CYP4F12: variants seen among roughly 807,000 people sequenced by gnomAD.
CYP4F12 encodes the protein cytochrome P450 family 4 subfamily F member 12, also known as cytochrome P450 4F12.
CYP4F12 carries 60 observed loss-of-function variants against 56.5 expected under a neutral mutation model. The ratio of observed to expected loss-of-function variants is 1.06; its 90% CI spans 0.86 to 1.32. The LOEUF is 1.32. Among genes scored for constraint, CYP4F12 ranks in the 40% most tolerant of loss-of-function variants. CYP4F12 has a pLI of 0.00. For synonymous variants in CYP4F12, 263 were observed against 264.9 expected (o/e 0.99, Z 0.07); for missense variants, 711 against 683.5 (o/e 1.04, Z -0.45).
chr19:15,682,156 A>G (rs611067), intron 5 of CYP4F12: 3 of 441,630 alleles, frequency 6.8e-6, no homozygotes, highest in African/African-American at 2.0e-5. Context: ...CACATAGAGC[A>G]TAGGAGACAG....
chr19:15,696,878 C>T (rs771692084), intron 12 of CYP4F12, 30 bp from the exon 13 acceptor site: 42 of 1,588,404 alleles, frequency 2.6e-5, no homozygotes, highest in Non-Finnish European at 3.3e-5. Flanking sequence ...GGGTCTTGGG[C>T]ACAGTCACAG....
Position 15,682,507 on chromosome 19 carries a change from A to C in CYP4F12, c.644A>C (p.Gln215Pro). The C allele has an allele frequency of 3.1e-6, 5 of 1,613,232 alleles. No homozygotes were observed. Among genetic ancestry groups the C allele is most frequent in the Non-Finnish European group, 4.2e-6 (5 of 1,179,380 alleles). ...KCIFSFDSHC[Q>P]ERPSEYIATI... ...ATCTTCAGCTTTGACAGCCATTGTC[A>C]GGAGTGAGTTCCTTCCTAGGGCCTG... The change falls in exon 6 of 13, where the codon CAG (glutamine) becomes CCG (proline). Residue 215 changes from glutamine (Q) to proline (P), a missense_variant. Transcript: ENST00000550308.
chr19:15,680,805 T>C, intron 5 of CYP4F12: 1 of 441,838 alleles, frequency 2.3e-6, no homozygotes, highest in South Asian at 2.1e-5. Context: ...CATTGCTGAT[T>C]ATAAACCACT....
chr19:15,690,757 T>G (rs1568424326), intron 9 of CYP4F12, among the ~76,000 whole-genome samples: 1 of 152,326 alleles, frequency 6.6e-6, no homozygotes, highest in Non-Finnish European at 1.5e-5. Flanking sequence ...AGTTTCTTCT[T>G]GCACTCAATG....
intron 9 of CYP4F12, among the ~76,000 whole-genome samples, chr19:15,692,770 G>A (rs2007930414): frequency 6.6e-6 from 1 of 152,170 alleles, no homozygotes; most frequent in Admixed American, 6.5e-5. Flanking sequence ...GTGATAAACT[G>A]TTAAATGAGA....
chr19:15,692,917 T>A lies in CYP4F12; in HGVS notation c.1116-3019T>A, dbSNP rs376580604. Among the ~76,000 whole-genome samples, 654 of 149,954 alleles carry A rather than the reference T, an allele frequency of 4.4e-3. 3 individuals carry two copies. The highest frequency in any genetic ancestry group is 0.015 in the African/African-American group (606 of 40,874). ...GGGGAAACTCCATCTCTACTAAAAA[T>A]AAAAAAAAAAATTAGCTGGCTGTTG... On this transcript the variant is annotated intron_variant, in intron 9 of 12. Coordinates refer to ENST00000550308, the MANE Select transcript of CYP4F12 (RefSeq NM_023944.4).
At position 15,696,997 on chromosome 19, in the gene CYP4F12, C is replaced by G. The variant is rs375718156; in HGVS notation, c.1487C>G (p.Thr496Ser). The change falls in exon 13 of 13, where the codon ACT becomes AGT. Residue 496 changes from threonine (T) to serine (S), a missense_variant. Physicochemically the swap from Thr to Ser is moderately conservative, Grantham distance 58. Coordinates refer to ENST00000550308, the MANE Select transcript of CYP4F12 (RefSeq NM_023944.4). ...LLHFRFLPDH[T>S]EPRRKLELIM... ...CACTTCCGGTTCCTGCCAGACCACA[C>G]TGAGCCCCGCAGGAAGCTGGAATTG... The G allele has an allele frequency of 2.6e-5, 42 of 1,614,136 alleles. No homozygotes were observed. Among genetic ancestry groups the G allele is most frequent in the South Asian group, 5.5e-5 (5 of 91,094 alleles).
At chr19:15,695,174 A>G (rs2008062218) in intron 9 of CYP4F12, among the ~76,000 whole-genome samples, 1 of 152,238 alleles carries the variant, frequency 6.6e-6, no homozygotes, top group African/African-American at 2.4e-5. Flanking sequence ...ATGCAGCCAT[A>G]AAAAATGATG....
At chr19:15,683,077 A>G (rs1024235104) in intron 6 of CYP4F12, among the ~76,000 whole-genome samples, 30 of 122,036 alleles carry the variant, frequency 2.5e-4, no homozygotes, top group Non-Finnish European at 4.4e-4. Context: ...AGGGAGAGAG[A>G]GAGAGACAGA....
chr19:15,680,571 A>G (rs774998075), intron 5 of CYP4F12, 52 bp downstream of exon 5: 1 of 1,613,380 alleles, frequency 6.2e-7, no homozygotes, highest in Non-Finnish European at 8.5e-7. Flanking sequence ...TGGAGGGACC[A>G]TGGACACATC....
At chr19:15,678,152 C>T in intron 2 of CYP4F12, 109 bp from the exon 3 acceptor site, 1 of 1,392,448 alleles carries the variant, frequency 7.2e-7, no homozygotes, top group South Asian at 1.3e-5. Flanking sequence ...CCCTCACAGA[C>T]ACACACAGCA....
intron 9 of CYP4F12, among the ~76,000 whole-genome samples, chr19:15,689,574 T>C (rs963389950): frequency 1.1e-4 from 17 of 152,168 alleles, no homozygotes; most frequent in Non-Finnish European, 1.2e-4. Context: ...AAAGTAAATC[T>C]ACCATTCCAT....
chr19:15,683,303 T>C lies in CYP4F12; in HGVS notation c.648-190T>C, dbSNP rs1451299090. Among the ~76,000 whole-genome samples the C allele has an allele frequency of 2.0e-5, 3 of 152,044 alleles. No homozygotes were observed. In the East Asian group the frequency reaches 5.8e-4, roughly 29 times the overall value. On this transcript the variant is annotated intron_variant, in intron 6 of 12. Transcript: ENST00000550308. ...TGCATGGAGACAGCTCTCTCAGAGA[T>C]AGGATGCAGGGAGAGAAGACAGTCT... is the stretch of plus-strand genomic sequence containing the variant.
intron 9 of CYP4F12, among the ~76,000 whole-genome samples, chr19:15,689,496 C>T (rs2007776935): frequency 6.6e-6 from 1 of 152,150 alleles, no homozygotes; most frequent in African/African-American, 2.4e-5. Flanking sequence ...AAAGTGAATG[C>T]TCATACACTG....
Position 15,695,964 on chromosome 19 carries a change from AC to A in CYP4F12, c.1146del (p.Met383CysfsTer3). ...CGACCTGGCCCAGCTGCCCTTCCTGACCATGTGCGTGAAGGAGAGCCTGAGG... is the reference window on the plus strand; with the variant it reads ...CGACCTGGCCCAGCTGCCCTTCCTGACATGTGCGTGAAGGAGAGCCTGAGG... ...WDDLAQLPFL[T>X]MCVKESLRLH... is the part of the protein sequence containing the mutation. On this transcript the variant is annotated frameshift_variant, in exon 10 of 13. Coordinates refer to ENST00000550308, the MANE Select transcript of CYP4F12 (RefSeq NM_023944.4). LOFTEE classifies it high-confidence loss of function. 6.2e-7 allele frequency: 1 copy of A among 1,613,736 alleles called. No homozygotes were observed. The highest frequency in any genetic ancestry group is 8.5e-7 in the Non-Finnish European group (1 of 1,179,880).
chr19:15,683,084 C>G (rs200897524), intron 6 of CYP4F12, among the ~76,000 whole-genome samples: 6 of 118,942 alleles, frequency 5.0e-5, no homozygotes, highest in South Asian at 2.7e-4. Flanking sequence ...GAGAGAGAGA[C>G]AGAGAGACAG....
At chr19:15,690,695 A>G (rs149822365) in intron 9 of CYP4F12, among the ~76,000 whole-genome samples, 45 of 152,338 alleles carry the variant, frequency 3.0e-4, no homozygotes, top group African/African-American at 1.1e-3. Context: ...CATTTTGTAT[A>G]TATACACCAC....
At chr19:15,677,554 T>C (rs200978043) in intron 2 of CYP4F12, among the ~76,000 whole-genome samples, 5,431 of 10,050 alleles carry the variant, frequency 0.54, 2,040 homozygotes, top group East Asian at 0.98. Context: ...ATTCCTCTCC[T>C]CACTCACTCG....
intron 1 of CYP4F12, 127 bp from the exon 2 acceptor site, chr19:15,673,402 C>T: frequency 9.5e-7 from 1 of 1,051,032 alleles, no homozygotes. Flanking sequence ...GATCTCAGCC[C>T]TCGTTTACTC....
Sources: allele counts gnomAD v4.1 joint callset (sites outside exome capture counted in the v4.1 genomes callset), GRCh38; gene constraint gnomAD v4.1.1; transcripts MANE v1.5; gene names NCBI Gene and HGNC (gene_info 2026-07-23, HGNC 2026-07-21).